The following SUSD1 variants were observed in gnomAD, a reference collection of about 807,000 sequenced individuals.
The protein encoded by SUSD1 is sushi domain containing 1.
In SUSD1, 65 loss-of-function variants were observed where a neutral mutation model predicts 86.9. The observed-to-expected ratio is 0.75, with a 90% CI of 0.61 to 0.92. The LOEUF is 0.92. Ranked by LOEUF, SUSD1 falls within the 40% of genes least tolerant of loss-of-function variation. SUSD1 has a pLI of 0.00. For synonymous variants in SUSD1, 346 were observed against 350.0 expected (o/e 0.99, Z 0.13); for missense variants, 850 against 929.7 (o/e 0.91, Z 1.11).
Position 112,056,942 on chromosome 9 carries a change from C to T in SUSD1, c.2109+1486G>A, listed in dbSNP as rs140738898. On this transcript the variant is annotated intron_variant, in intron 14 of 16. Transcript: ENST00000374270. Reference sequence around the variant, plus strand: ...ATTCCCTCTGTTATGAATTAAATGTCTATGCCCCTTGCTCACCACCCAACC... The same window carrying T: ...ATTCCCTCTGTTATGAATTAAATGTTTATGCCCCTTGCTCACCACCCAACC... 8.5e-5 allele frequency among the ~76,000 whole-genome samples: 13 copies of T among 152,328 alleles called. No individual in the cohort carries two copies. In the East Asian group the frequency reaches 2.5e-3, roughly 29 times the overall value.
At chr9:112,050,718 C>T (rs1037685274) in intron 15 of SUSD1, among the ~76,000 whole-genome samples, 1 of 152,194 alleles carries the variant, frequency 6.6e-6, no homozygotes, top group Non-Finnish European at 1.5e-5. Context: ...AGGTCATAAA[C>T]TCAACAAGAT....
chr9:112,175,057 G>T lies in SUSD1; in HGVS notation c.103+76C>A. On this transcript the variant is annotated intron_variant, in intron 1 of 16. Transcript: ENST00000374270. This position sits in a 1 kb window ranked among gnomAD's most constrained non-coding sequence, Gnocchi z 4.7. ...CGGCCCGGCCCAGGGGCGGGGAAGC[G>T]TCCGTGCGCCCAGAGTCCTCGAGGC... 4.1e-6 allele frequency: 4 copies of T among 980,458 alleles called. No homozygotes were observed. The highest frequency in any genetic ancestry group is 4.9e-6 in the Non-Finnish European group (4 of 823,722). The allele number at this position is 980,458 out of a possible 1,614,324, so 60.7% of individuals were successfully genotyped here.
intron 12 of SUSD1, among the ~76,000 whole-genome samples, chr9:112,068,840 A>G (rs1474935974): frequency 1.3e-5 from 2 of 152,222 alleles, no homozygotes; most frequent in Non-Finnish European, 2.9e-5. Flanking sequence ...GGTCTGCTGC[A>G]AGTGAGAGCA....
intron 1 of SUSD1, among the ~76,000 whole-genome samples, chr9:112,174,146 C>A (rs770143488): frequency 6.6e-6 from 1 of 152,220 alleles, no homozygotes; most frequent in Non-Finnish European, 1.5e-5. Context: ...GCTTCCTTCC[C>A]TTCTCCCCCG....
intron 6 of SUSD1, among the ~76,000 whole-genome samples, chr9:112,117,471 C>A (rs1194680030): frequency 2.6e-5 from 4 of 152,132 alleles, no homozygotes; most frequent in Admixed American, 6.5e-5. Context: ...GAGAGAAAGT[C>A]TCAGTGAGTG....
intron 9 of SUSD1, among the ~76,000 whole-genome samples, chr9:112,101,804 C>A (rs1368363445): frequency 3.3e-5 from 5 of 152,120 alleles, no homozygotes; most frequent in Admixed American, 6.5e-5. Context: ...CGAGATCATG[C>A]CACTGCACTC....
intron 11 of SUSD1, among the ~76,000 whole-genome samples, chr9:112,079,615 T>C (rs929037940): frequency 6.6e-6 from 1 of 151,898 alleles, no homozygotes; most frequent in Non-Finnish European, 1.5e-5. Context: ...TTTTTTTTTT[T>C]TTTTCGAGAC....
chr9:112,124,379 C>G lies in SUSD1; in HGVS notation c.764G>C (p.Ser255Thr). 6.2e-7 allele frequency: 1 copy of G among 1,614,190 alleles called. No homozygotes were observed. The highest frequency in any genetic ancestry group is 8.5e-7 in the Non-Finnish European group (1 of 1,180,010). ...MRHAILVGNH[S>T]SRLGGVARYV... ...GCGAGCCACACCGCCCAGCCTGGAG[C>G]TGTGATTTCCTACCAAGATGGCGTG... The change falls in exon 6 of 17, where the codon AGC becomes ACC. Residue 255 changes from serine to threonine, a missense_variant. By Grantham distance (58) the Ser-to-Thr change is moderately conservative. Coordinates refer to ENST00000374270, the MANE Select transcript of SUSD1 (RefSeq NM_022486.5).
chr9:112,104,551 T>A (rs1830757902), intron 8 of SUSD1, among the ~76,000 whole-genome samples: 1 of 152,118 alleles, frequency 6.6e-6, no homozygotes, highest in Non-Finnish European at 1.5e-5. Flanking sequence ...CCTGCCTTGG[T>A]AGGCTGTAAT....
chr9:112,151,652 A>G (rs2131798111), intron 2 of SUSD1, among the ~76,000 whole-genome samples: 1 of 151,980 alleles, frequency 6.6e-6, no homozygotes, highest in East Asian at 1.9e-4. Flanking sequence ...CTGTAATCCC[A>G]GCACTTTGGG....
At chr9:112,068,712 AAAAAAT>A (rs1829106177) in intron 12 of SUSD1, among the ~76,000 whole-genome samples, 1 of 146,698 alleles carries the variant, frequency 6.8e-6, no homozygotes, top group Admixed American at 6.7e-5. Context: ...AAAAAAAAAA[AAAAAAT>A]ATTTTTAGCC....
chr9:112,086,397 G>A (rs1420343296), intron 10 of SUSD1, among the ~76,000 whole-genome samples: 4 of 151,516 alleles, frequency 2.6e-5, no homozygotes, highest in African/African-American at 9.7e-5. Context: ...TCCTTGTGAA[G>A]AGTGAGGGGT....
intron 6 of SUSD1, among the ~76,000 whole-genome samples, chr9:112,121,253 G>C (rs1273839631): frequency 6.6e-6 from 1 of 152,032 alleles, no homozygotes; most frequent in Non-Finnish European, 1.5e-5. Context: ...GCAGTCTCTG[G>C]CCTACATCCT....
chr9:112,054,715 A>G (rs984727825), intron 14 of SUSD1, among the ~76,000 whole-genome samples: 2 of 152,194 alleles, frequency 1.3e-5, no homozygotes, highest in Non-Finnish European at 2.9e-5. Flanking sequence ...AAACCTAAAT[A>G]TAAGACCTCA....
chr9:112,137,635 G>A (rs139605065), intron 5 of SUSD1, among the ~76,000 whole-genome samples: 1 of 152,246 alleles, frequency 6.6e-6, no homozygotes, highest in East Asian at 1.9e-4. Context: ...CAAAATGCGT[G>A]TAGAGCCTAC....
chr9:112,055,323 G>C (rs1045002858), intron 14 of SUSD1, among the ~76,000 whole-genome samples: 4 of 152,134 alleles, frequency 2.6e-5, no homozygotes, highest in Non-Finnish European at 4.4e-5. Context: ...CTACTCAGGT[G>C]GCTGAGGTGA....
chr9:112,041,732 A>T (rs1411334038), intron 16 of SUSD1, 135 bp downstream of exon 16: 3 of 803,120 alleles, frequency 3.7e-6, no homozygotes, highest in Non-Finnish European at 4.1e-6. Flanking sequence ...TTCACCGCTG[A>T]GTGTGCTCTG....
intron 5 of SUSD1, among the ~76,000 whole-genome samples, chr9:112,139,021 A>G (rs1370135408): frequency 6.6e-6 from 1 of 152,214 alleles, no homozygotes; most frequent in Non-Finnish European, 1.5e-5. Context: ...ATTGATCTTA[A>G]GAGGGAAAGA....
rs190521592 is a variant in SUSD1, at chr9:112,151,035, A to G, written c.218-1636T>C. ...CTGCAGCCTTGAACTCCTGGGCTCA[A>G]GCAATCCTCTTGCCTCAGCCTCCTG... On this transcript the variant is annotated intron_variant, in intron 2 of 16. Coordinates refer to ENST00000374270, the MANE Select transcript of SUSD1 (RefSeq NM_022486.5). Among the ~76,000 whole-genome samples the G allele has an allele frequency of 3.5e-3, 534 of 152,338 alleles. 9 individuals are homozygous for G. The highest frequency in any genetic ancestry group is 0.032 in the Admixed American group (486 of 15,310).
Sources: gnomAD v4.1 joint callset for allele counts (sites outside exome capture counted in the v4.1 genomes callset) on GRCh38, gnomAD v4.1.1 for gene constraint, Gnocchi (gnomAD v3.1) non-coding constraint, MANE v1.5 for transcripts, NCBI Gene and HGNC (gene_info 2026-07-23, HGNC 2026-07-21) for gene names.